SYAP1: variants seen among roughly 807,000 people sequenced by gnomAD.
SYAP1 encodes synapse associated protein 1.
In SYAP1, 3 loss-of-function variants were observed where a neutral mutation model predicts 29.6. The observed-to-expected ratio is 0.10, with a 90% CI of 0.05 to 0.26. SYAP1 has a LOEUF of 0.26. SYAP1 is among the 10% of genes least tolerant of loss of function. The probability of loss-of-function intolerance (pLI) is 1.00; values close to 1 mark genes in which losing one functional copy is unlikely to be tolerated. For synonymous variants in SYAP1, 102 were observed against 102.7 expected, an observed-to-expected ratio of 0.99 and a Z score of 0.04; for missense variants, 217 against 264.1, an observed-to-expected ratio of 0.82 and a Z score of 1.24.
intron 1 of SYAP1, among the ~76,000 whole-genome samples, chrX:16,734,990 C>A (rs1926293542): frequency 1.3e-5 from 1 of 78,124 alleles, no homozygotes; most frequent in East Asian, 4.0e-4. Flanking sequence ...CAGGGCGAGA[C>A]TGTCTCAAAA....
intron 4 of SYAP1, among the ~76,000 whole-genome samples, chrX:16,742,825 G>C (rs1486427897): frequency 1.8e-5 from 2 of 109,798 alleles, no homozygotes; most frequent in African/African-American, 6.6e-5. Flanking sequence ...ATGTTTCCCA[G>C]GCTGGTCTCG....
chrX:16,729,459 A>T (rs1435812509), intron 1 of SYAP1, among the ~76,000 whole-genome samples: 2 of 104,408 alleles, frequency 1.9e-5, no homozygotes, highest in African/African-American at 7.1e-5. Context: ...GAAACCTGTT[A>T]TGCTTTTATT....
chrX:16,747,156 G>A (rs1016844127), intron 5 of SYAP1, among the ~76,000 whole-genome samples: 12 of 110,859 alleles, frequency 1.1e-4, no homozygotes, highest in Non-Finnish European at 7.6e-5. Context: ...GCTGTGTTGC[G>A]CAGGCTGGTT....
chrX:16,759,524 C>T (rs1602338869), intron 8 of SYAP1, among the ~76,000 whole-genome samples: 7 of 111,780 alleles, frequency 6.3e-5, no homozygotes, highest in East Asian at 2.8e-4. Context: ...AATCTCAACG[C>T]GGAAGACCAG....
chrX:16,734,362 G>GGT (rs971344614), intron 1 of SYAP1, among the ~76,000 whole-genome samples: 1 of 106,582 alleles, frequency 9.4e-6, no homozygotes, highest in African/African-American at 3.4e-5. Flanking sequence ...CTCCAGCCTG[G>GGT]GTGACAGAGT....
intron 4 of SYAP1, among the ~76,000 whole-genome samples, chrX:16,742,995 TAAAG>T (rs1184027330): frequency 4.2e-5 from 4 of 95,118 alleles, no homozygotes; most frequent in Admixed American, 2.7e-4. Context: ...TGTCTCAAAA[TAAAG>T]AAAGAATATA....
intron 3 of SYAP1, among the ~76,000 whole-genome samples, chrX:16,740,190 C>T (rs912720657): frequency 2.7e-5 from 3 of 111,179 alleles, no homozygotes; most frequent in African/African-American, 9.8e-5. Context: ...TCACCTGGCA[C>T]GGCACTTACA....
intron 1 of SYAP1, among the ~76,000 whole-genome samples, chrX:16,720,162 G>A (rs1042090764): frequency 3.6e-5 from 4 of 112,346 alleles, no homozygotes; most frequent in Non-Finnish European, 7.5e-5. Flanking sequence ...ATTGGAATCA[G>A]GTATGCAGTC....
chrX:16,746,123 G>T (rs1213551783), intron 5 of SYAP1, among the ~76,000 whole-genome samples: 1 of 102,203 alleles, frequency 9.8e-6, no homozygotes, highest in African/African-American at 3.6e-5. Flanking sequence ...ACATATTAGT[G>T]GTAAATTTCT....
At chrX:16,754,876 G>C (rs1352799222) in intron 5 of SYAP1, 69 bp from the exon 6 acceptor site, 4 of 1,083,983 alleles carry the variant, frequency 3.7e-6, no homozygotes, top group Non-Finnish European at 5.1e-6. Flanking sequence ...ATGTGTTCTT[G>C]TCTGTCTGCT....
intron 5 of SYAP1, among the ~76,000 whole-genome samples, chrX:16,752,135 A>T: frequency 9.4e-6 from 1 of 106,070 alleles, no homozygotes. Flanking sequence ...ACATACCACC[A>T]CATCGGCTAA....
rs751339892 is a variant in SYAP1 at position 16,743,730 on chromosome X, G to A, written c.465G>A (p.Pro155=). ...AGAGGAATTTCCTTCGTGACCCTCC[G>A]GCTGGCGTGCAATTTAATTTCGACT... The part of the protein sequence containing the change: ...ADKRNFLRDP[P]AGVQFNFDFD... Residue 155 remains proline, a synonymous_variant, in exon 5 of 9, where the codon CCG becomes CCA. Transcript: ENST00000380155. 8.3e-6 allele frequency: 10 copies of A among 1,210,256 alleles called. No individual in the cohort carries two copies. The highest frequency in any genetic ancestry group is 1.8e-5 in the South Asian group (1 of 56,931).
intron 3 of SYAP1, 137 bp downstream of exon 3, chrX:16,736,369 T>A: frequency 2.3e-6 from 1 of 429,696 alleles, no homozygotes; most frequent in Non-Finnish European, 4.1e-6. Flanking sequence ...CAAAGACTAG[T>A]GAGGGAGACA....
chrX:16,755,846 G>C (rs928191920), intron 6 of SYAP1, among the ~76,000 whole-genome samples: 1 of 111,968 alleles, frequency 8.9e-6, no homozygotes. Context: ...TGTATAGTAG[G>C]TACTCATTAC....
chrX:16,741,074 A>T (rs1926448614), intron 3 of SYAP1, among the ~76,000 whole-genome samples: 1 of 110,750 alleles, frequency 9.0e-6, no homozygotes, highest in African/African-American at 3.3e-5. Flanking sequence ...ATAGGTGATG[A>T]TGTCCTTCTC....
At chrX:16,752,567 T>C (rs1926759375) in intron 5 of SYAP1, among the ~76,000 whole-genome samples, 2 of 109,948 alleles carry the variant, frequency 1.8e-5, no homozygotes, top group Admixed American at 2.0e-4. Flanking sequence ...AATGATCATT[T>C]ACACGTTATT....
intron 6 of SYAP1, among the ~76,000 whole-genome samples, chrX:16,755,422 G>T (rs1343727471): frequency 9.1e-6 from 1 of 109,481 alleles, no homozygotes; most frequent in East Asian, 2.9e-4. Flanking sequence ...TTCCCAAGTA[G>T]CTGGGACTTA....
chrX:16,736,970 G>A (rs1182752537), intron 3 of SYAP1, among the ~76,000 whole-genome samples: 2 of 111,912 alleles, frequency 1.8e-5, no homozygotes, highest in African/African-American at 6.5e-5. Context: ...GCCGTAAAGA[G>A]TCTCGGGTGT....
intron 5 of SYAP1, 35 bp downstream of exon 5, chrX:16,743,875 C>G: frequency 8.4e-7 from 1 of 1,189,742 alleles, no homozygotes; most frequent in Non-Finnish European, 1.1e-6. Context: ...TCCTCATGGC[C>G]TCCATTATGT....
Sources: allele counts gnomAD v4.1 joint callset (sites outside exome capture counted in the v4.1 genomes callset), GRCh38; gene constraint gnomAD v4.1.1; transcripts MANE v1.5; gene names NCBI Gene and HGNC (gene_info 2026-07-23, HGNC 2026-07-21).